The following RSPH6A variants were observed in gnomAD, a reference collection of about 807,000 sequenced individuals.
RSPH6A encodes the protein radial spoke head protein 6 homolog A.
A neutral mutation model predicts 66.1 loss-of-function variants in RSPH6A; 49 were observed. The ratio of observed to expected loss-of-function variants is 0.74; its 90% CI spans 0.59 to 0.94. The LOEUF (loss-of-function observed/expected upper bound fraction) is 0.94, where lower values mean the gene tolerates loss of function less well. Ranked by LOEUF, RSPH6A falls within the 40% of genes least tolerant of loss-of-function variation. The pLI is 0.00. For synonymous variants in RSPH6A, 419 were observed against 402.4 expected, an observed-to-expected ratio of 1.04 and a Z score of -0.49; for missense variants, 977 against 948.3, an observed-to-expected ratio of 1.03 and a Z score of -0.40.
Position 45,796,062 on chromosome 19 carries a change from G to A in RSPH6A, c.1961C>T (p.Pro654Leu), listed in dbSNP as rs781369953. The change falls in exon 6 of 6, where the codon CCC (proline) becomes CTC (leucine). Residue 654 changes from proline (P) to leucine (L), a missense_variant. Coordinates refer to ENST00000221538, the MANE Select transcript of RSPH6A (RefSeq NM_030785.4). ...IYIGWGHKYS[P>L]ESFNPALPAP... ...TGGCAGGGCCGGGTTGAAGCTCTCGGGGCTGTACTTGTGACCCCAGCCGAT... is the reference window on the plus strand; with the variant it reads ...TGGCAGGGCCGGGTTGAAGCTCTCGAGGCTGTACTTGTGACCCCAGCCGAT... 1 of 1,608,464 alleles carries A rather than the reference G, an allele frequency of 6.2e-7. No individual in the cohort carries two copies. Among genetic ancestry groups the A allele is most frequent in the South Asian group, 1.1e-5 (1 of 90,726 alleles).
intron 4 of RSPH6A, 70 bp from the exon 5 acceptor site, chr19:45,800,633 A>G: frequency 7.6e-7 from 1 of 1,310,910 alleles, no homozygotes; most frequent in South Asian, 1.4e-5. Context: ...CTGCACCCTG[A>G]AGGAAGGAAG....
At position 45,815,264 on chromosome 19, in the gene RSPH6A, G is replaced by A; in HGVS notation, c.-88C>T. ...CCACCTGTCGACACCGCCGGTTTCT[G>A]AGCACCGAGAGAGGGGGCCGTTACC... On this transcript the variant is annotated 5_prime_UTR_variant, in exon 1 of 6. Transcript: ENST00000221538. 1 of 1,368,034 alleles carries A rather than the reference G, an allele frequency of 7.3e-7. No homozygotes were observed. Among genetic ancestry groups the A allele is most frequent in the Non-Finnish European group, 9.7e-7 (1 of 1,032,998 alleles). The allele number at this position is 1,368,034 out of a possible 1,614,324, so 84.7% of individuals were successfully genotyped here. A position where few individuals can be genotyped will look rare whatever the true frequency, so the allele number is the denominator to read the frequency against.
At chr19:45,805,883 G>C (rs1970537695) in intron 2 of RSPH6A, among the ~76,000 whole-genome samples, 1 of 152,162 alleles carries the variant, frequency 6.6e-6, no homozygotes, top group South Asian at 2.1e-4. Flanking sequence ...TTCCTGCCTG[G>C]AATGGGGATA....
In RSPH6A at chr19:45,800,386, A is replaced by C. The variant is rs1421907813; in HGVS notation, c.1916+60T>G. Reference sequence around the variant, plus strand: ...CCACCCTGGCGAGTTGCCCAGCCCAACCAGGCTTGAAGAAGTCCTGAGAGA... The same window carrying C: ...CCACCCTGGCGAGTTGCCCAGCCCACCCAGGCTTGAAGAAGTCCTGAGAGA... On this transcript the variant is annotated intron_variant, in intron 5 of 5. Coordinates refer to ENST00000221538, the MANE Select transcript of RSPH6A (RefSeq NM_030785.4). The C allele has an allele frequency of 8.6e-6, 13 of 1,512,360 alleles. No individual in the cohort carries two copies. In the Admixed American group the frequency reaches 1.2e-4, roughly 15 times the overall value. 93.7% of individuals were successfully genotyped at this position (1,512,360 alleles called of 1,614,324 possible).
At position 45,811,158 on chromosome 19, in the gene RSPH6A, T is replaced by A. The variant is rs183123303; in HGVS notation, c.651-318A>T. 2.1e-3 allele frequency among the ~76,000 whole-genome samples: 320 copies of A among 151,986 alleles called. 1 individual carries two copies. Among genetic ancestry groups the A allele is most frequent in the African/African-American group, 7.3e-3 (303 of 41,446 alleles). On this transcript the variant is annotated intron_variant, in intron 1 of 5. Coordinates refer to ENST00000221538, the MANE Select transcript of RSPH6A (RefSeq NM_030785.4). ...ATAGGCGCCCGCCACCACGCCTGGTTACTTTTTGGATTTTTAGTAGAGACA... is the reference window on the plus strand; with the variant it reads ...ATAGGCGCCCGCCACCACGCCTGGTAACTTTTTGGATTTTTAGTAGAGACA...
chr19:45,811,928 A>G (rs1354312426), intron 1 of RSPH6A, among the ~76,000 whole-genome samples: 1 of 150,466 alleles, frequency 6.6e-6, no homozygotes, highest in Non-Finnish European at 1.5e-5. Flanking sequence ...CTACAGGTGC[A>G]CACCACCATC....
At chr19:45,801,376 C>CCTGT (rs1970472124) in intron 4 of RSPH6A, among the ~76,000 whole-genome samples, 1 of 152,192 alleles carries the variant, frequency 6.6e-6, no homozygotes. Context: ...AAATCCAGGA[C>CCTGT]CTGTCCCCTG....
Position 45,814,991 on chromosome 19 carries a change from G to T in RSPH6A, c.186C>A (p.Ser62Arg). 1 of 1,613,950 alleles carries T rather than the reference G, an allele frequency of 6.2e-7. No individual in the cohort carries two copies. The highest frequency in any genetic ancestry group is 8.5e-7 in the Non-Finnish European group (1 of 1,180,046). ...RNAPGWSQRGSLSQQENLLMP... is the reference protein window; with the variant it reads ...RNAPGWSQRGRLSQQENLLMP... ...TCAGCAAGTTCTCCTGTTGGGACAG[G>T]CTGCCCCTCTGTGACCAACCAGGGG... The change falls in exon 1 of 6, where the codon AGC becomes AGA. Residue 62 changes from serine (S) to arginine (R), a missense_variant. Ser to Arg is a moderately radical substitution (Grantham distance 110). Transcript: ENST00000221538.
In RSPH6A at chr19:45,815,223, G is replaced by C; in HGVS notation, c.-47C>G. 1 of 1,502,080 alleles carries C rather than the reference G, an allele frequency of 6.7e-7. No homozygotes were observed. The highest frequency in any genetic ancestry group is 8.9e-7 in the Non-Finnish European group (1 of 1,129,866). The allele number at this position is 1,502,080 out of a possible 1,614,324, so 93.0% of individuals were successfully genotyped here. A position where few individuals can be genotyped will look rare whatever the true frequency, so the allele number is the denominator to read the frequency against. ...CTCTAGGAGAAAGGCTTGCAGACAA[G>C]GAGGCCAAGCGAGAGCCACCTGTCG... On this transcript the variant is annotated 5_prime_UTR_variant, in exon 1 of 6. Transcript: ENST00000221538.
rs759308282 is a variant in RSPH6A, at chr19:45,810,668, G to A, written c.823C>T (p.Gln275Ter). ...MQPTYKMAEK[Q>*]KALFTRSGGG... is the part of the protein sequence containing the mutation. ...CCACTCCGGGTGAACAGCGCCTTCT[G>A]TTTCTCCGCCATCTTGTAGGTGGGC... The change falls in exon 2 of 6, where the codon CAG (glutamine) becomes TAG (stop). Residue 275 changes from glutamine (Q) to a stop codon, truncating the protein, a stop_gained. Transcript: ENST00000221538. LOFTEE classifies it high-confidence loss of function. 2 of 1,613,830 alleles carry A rather than the reference G, an allele frequency of 1.2e-6. No individual in the cohort carries two copies. Among genetic ancestry groups the A allele is most frequent in the East Asian group, 4.5e-5 (2 of 44,850 alleles).
chr19:45,807,997 C>A (rs761573193), intron 2 of RSPH6A, among the ~76,000 whole-genome samples: 3 of 152,182 alleles, frequency 2.0e-5, no homozygotes, highest in African/African-American at 4.8e-5. Context: ...AGAAAAATGA[C>A]CAACTCATCC....
At chr19:45,802,680 A>G (rs1273728567) in intron 3 of RSPH6A, among the ~76,000 whole-genome samples, 1 of 150,942 alleles carries the variant, frequency 6.6e-6, no homozygotes, top group African/African-American at 2.4e-5. Flanking sequence ...TAATTTTTGT[A>G]TTTTTTAGTA....
chr19:45,808,866 C>T (rs1424717906), intron 2 of RSPH6A, among the ~76,000 whole-genome samples: 21 of 150,624 alleles, frequency 1.4e-4, no homozygotes, highest in Non-Finnish European at 2.5e-4. Context: ...GGGGTTTCAC[C>T]GTGTTAGCCA....
chr19:45,814,731 A>C lies in RSPH6A; in HGVS notation c.446T>G (p.Phe149Cys). ...QEPPVNPLGQ[F>C]NLYQTDQFSE... ...GAACTGGTCTGTCTGGTAGAGGTTGAACTGGCCCAAGGGGTTGACTGGGGG... is the reference window on the plus strand; with the variant it reads ...GAACTGGTCTGTCTGGTAGAGGTTGCACTGGCCCAAGGGGTTGACTGGGGG... Residue 149 changes from phenylalanine (F) to cysteine (C), a missense_variant, in exon 1 of 6, where the codon TTC (phenylalanine) becomes TGC (cysteine). Transcript: ENST00000221538. 6.2e-7 allele frequency: 1 copy of C among 1,613,760 alleles called. No individual in the cohort carries two copies. The highest frequency in any genetic ancestry group is 1.1e-5 in the South Asian group (1 of 90,970).
intron 1 of RSPH6A, among the ~76,000 whole-genome samples, chr19:45,812,547 C>T (rs537383796): frequency 6.6e-6 from 1 of 152,188 alleles, no homozygotes; most frequent in African/African-American, 2.4e-5. Flanking sequence ...TAGGGCTTCT[C>T]AGGAAGAGAG....
chr19:45,812,290 T>C (rs1375914471), intron 1 of RSPH6A, among the ~76,000 whole-genome samples: 1 of 151,894 alleles, frequency 6.6e-6, no homozygotes, highest in African/African-American at 2.4e-5. Context: ...GGTTTTGCCA[T>C]GTTGCCCAGG....
At position 45,804,107 on chromosome 19, in the gene RSPH6A, C is replaced by T. The variant is rs894600277; in HGVS notation, c.1653+145G>A. ...TTCTGATGGGATTATCCGCTAATAT[C>T]TGTTGAACCAATGAATGGATGGATG... On this transcript the variant is annotated intron_variant, in intron 3 of 5. Transcript: ENST00000221538. The surrounding 1 kb of genome is among the most constrained non-coding windows in gnomAD (Gnocchi z 5.8). 6.1e-6 allele frequency: 4 copies of T among 651,776 alleles called. No individual in the cohort carries two copies. The highest frequency in any genetic ancestry group is 1.0e-5 in the Non-Finnish European group (4 of 392,782). 40.4% of individuals were successfully genotyped at this position (651,776 alleles called of 1,614,324 possible).
At position 45,797,061 on chromosome 19, in the gene RSPH6A, C is replaced by A. The variant is rs191733544; in HGVS notation, c.1917-955G>T. 1.3e-4 allele frequency among the ~76,000 whole-genome samples: 19 copies of A among 146,204 alleles called. No individual in the cohort carries two copies. In the East Asian group the frequency reaches 2.1e-3, roughly 16 times the overall value. On this transcript the variant is annotated intron_variant, in intron 5 of 5. Coordinates refer to ENST00000221538, the MANE Select transcript of RSPH6A (RefSeq NM_030785.4). Reference sequence around the variant, plus strand: ...TCCAGCCTGAGTGACAGAGTGAGAACGTATCTCAAAATAAATCAAGAAATA... The same window carrying A: ...TCCAGCCTGAGTGACAGAGTGAGAAAGTATCTCAAAATAAATCAAGAAATA...
intron 1 of RSPH6A, among the ~76,000 whole-genome samples, chr19:45,811,246 C>T (rs12980265): frequency 0.06 from 9,129 of 152,212 alleles, 379 homozygotes; most frequent in Middle Eastern, 0.14. Context: ...CCCGCCTCAG[C>T]CTCCCAAAGT....
Sources: allele counts gnomAD v4.1 joint callset (sites outside exome capture counted in the v4.1 genomes callset), GRCh38; gene constraint gnomAD v4.1.1; non-coding constraint Gnocchi (gnomAD v3.1); transcripts MANE v1.5; gene names NCBI Gene and HGNC (gene_info 2026-07-23, HGNC 2026-07-21).